POU1F1: variants seen among roughly 807,000 people sequenced by gnomAD.
The protein encoded by POU1F1 is POU class 1 homeobox 1.
Under a neutral mutation model 32.3 loss-of-function variants are expected in POU1F1, and 23 were observed. The observed-to-expected ratio is 0.71, with a 90% CI of 0.51 to 1.01. The LOEUF is 1.01. Ranked by LOEUF, POU1F1 falls within the 50% of genes least tolerant of loss-of-function variation. POU1F1 has a pLI of 0.00. For synonymous variants in POU1F1, 120 were observed against 115.6 expected, an observed-to-expected ratio of 1.04 and a Z score of -0.25; for missense variants, 323 against 341.6, an observed-to-expected ratio of 0.95 and a Z score of 0.43.
chr3:87,261,402 G>T, intron 4 of POU1F1, 69 bp from the exon 5 acceptor site: 1 of 1,215,112 alleles, frequency 8.2e-7, no homozygotes, highest in East Asian at 2.5e-5. Context: ...ATCTGATTTG[G>T]ATTTCAAATT....
At chr3:87,273,257 T>C (rs1706759722) in intron 2 of POU1F1, 90 bp downstream of exon 2, 12 of 1,329,432 alleles carry the variant, frequency 9.0e-6, no homozygotes, top group Non-Finnish European at 1.2e-5. Context: ...TCAAATTTCA[T>C]GTCACACTCT....
intron 2 of POU1F1, among the ~76,000 whole-genome samples, chr3:87,273,118 T>C (rs1435114025): frequency 6.6e-6 from 1 of 151,840 alleles, no homozygotes; most frequent in Non-Finnish European, 1.5e-5. Flanking sequence ...CAAAGCAAAC[T>C]CAAGAAGCAC....
chr3:87,263,294 G>A (rs1356876694), intron 3 of POU1F1, among the ~76,000 whole-genome samples: 3 of 151,882 alleles, frequency 2.0e-5, no homozygotes, highest in African/African-American at 7.2e-5. Flanking sequence ...AATTTTAAAT[G>A]AAAAAACAGT....
At chr3:87,268,515 C>A (rs1392106260) in intron 2 of POU1F1, among the ~76,000 whole-genome samples, 1 of 152,060 alleles carries the variant, frequency 6.6e-6, no homozygotes, top group Non-Finnish European at 1.5e-5. Context: ...AAAGAACAGC[C>A]AAACGAACCT....
chr3:87,276,554 A>C lies in POU1F1; in HGVS notation c.-92T>G. On this transcript the variant is annotated 5_prime_UTR_variant, in exon 1 of 6. Coordinates refer to ENST00000350375, the MANE Select transcript of POU1F1 (RefSeq NM_000306.4). ...GTCTCAAAGGGCCGATTCAATTCTC[A>C]CTACCTGCATATATACATCAGGAAG... 3.5e-6 allele frequency: 5 copies of C among 1,430,568 alleles called. No homozygotes were observed. Among genetic ancestry groups the C allele is most frequent in the Non-Finnish European group, 4.8e-6 (5 of 1,039,436 alleles). 88.6% of individuals were successfully genotyped at this position (1,430,568 alleles called of 1,614,324 possible).
chr3:87,265,320 G>A (rs1022369860), intron 2 of POU1F1, among the ~76,000 whole-genome samples: 9 of 151,942 alleles, frequency 5.9e-5, no homozygotes, highest in Admixed American at 2.6e-4. Context: ...AGTGATTACC[G>A]ATAAATGGTA....
chr3:87,273,026 TA>T (rs1448010403), intron 2 of POU1F1, among the ~76,000 whole-genome samples: 1 of 152,172 alleles, frequency 6.6e-6, no homozygotes, highest in African/African-American at 2.4e-5. Flanking sequence ...GTAGCTACTA[TA>T]TTTTTAGTGA....
chr3:87,273,216 A>T, intron 2 of POU1F1, 131 bp downstream of exon 2: 1 of 1,023,740 alleles, frequency 9.8e-7, no homozygotes, highest in Non-Finnish European at 1.5e-6. Flanking sequence ...AGAAGTGGTG[A>T]TTTTTAACAG....
In POU1F1 at chr3:87,264,150, C is replaced by T. The variant is rs1706567586; in HGVS notation, c.439+138G>A. The T allele has an allele frequency of 4.3e-6, 3 of 699,318 alleles. No individual in the cohort carries two copies. The South Asian group carries it at 5.4e-5, about 13-fold the overall frequency. The allele number at this position is 699,318 out of a possible 1,614,324, so 43.3% of individuals were successfully genotyped here. On this transcript the variant is annotated intron_variant, in intron 3 of 5. Transcript: ENST00000350375. ...GAAACAAATGTTTTTGGAGGATTTC[C>T]ATAACGACTAACTACGTCCACAGTA...
chr3:87,264,478 G>T lies in POU1F1; in HGVS notation c.249C>A (p.Asp83Glu), dbSNP rs932756615. The change falls in exon 3 of 6, where the codon GAC becomes GAA. Residue 83 changes from aspartate (D) to glutamate (E), a missense_variant. Asp to Glu is a conservative substitution (Grantham distance 45, BLOSUM62 2). Coordinates refer to ENST00000350375, the MANE Select transcript of POU1F1 (RefSeq NM_000306.4). Reference protein sequence around the residue: ...SLTPCLYKFPDHTLSHGFPPI... With the variant: ...SLTPCLYKFPEHTLSHGFPPI... ...GAGGAAATCCATGACTCAAGGTGTG[G>T]TCAGGAAATTTATAAAGACAAGGGG... 1.1e-5 allele frequency: 17 copies of T among 1,611,980 alleles called. No individual in the cohort carries two copies. The highest frequency in any genetic ancestry group is 1.2e-5 in the Non-Finnish European group (14 of 1,178,284).
At chr3:87,264,538 G>A in intron 2 of POU1F1, 26 bp from the exon 3 acceptor site, 1 of 1,507,654 alleles carries the variant, frequency 6.6e-7, no homozygotes, top group Admixed American at 1.7e-5. Flanking sequence ...GAAATAAAAT[G>A]AAAAAGACCA....
chr3:87,265,148 G>A (rs190032968), intron 2 of POU1F1, among the ~76,000 whole-genome samples: 40 of 151,982 alleles, frequency 2.6e-4, no homozygotes, highest in Middle Eastern at 3.4e-3. Flanking sequence ...ATAGGCTTGA[G>A]GAGTGATTAA....
rs1465733202 is a variant in POU1F1 at position 87,261,271 on chromosome 3, A to G, written c.665+2T>C. ...TCTAGTAACTTTTAATATAAAGAAT[A>G]CCTTATAGTTGTTCTTCGTTTTCTT... is the stretch of plus-strand genomic sequence containing the variant. On this transcript the variant is annotated splice_donor_variant, in intron 5 of 5. Transcript: ENST00000350375. LOFTEE classifies it high-confidence loss of function. The G allele has an allele frequency of 1.9e-6, 3 of 1,563,386 alleles. No individual in the cohort carries two copies. The highest frequency in any genetic ancestry group is 2.6e-6 in the Non-Finnish European group (3 of 1,142,638).
At chr3:87,268,785 A>G (rs1418628401) in intron 2 of POU1F1, among the ~76,000 whole-genome samples, 1 of 152,150 alleles carries the variant, frequency 6.6e-6, no homozygotes, top group Non-Finnish European at 1.5e-5. Flanking sequence ...TTCCAAATAC[A>G]TTTTCACATT....
rs767428065 is a variant in POU1F1, at chr3:87,276,473, G to C, written c.-11C>G. The C allele has an allele frequency of 8.7e-6, 14 of 1,613,508 alleles. No individual in the cohort carries two copies. The highest frequency in any genetic ancestry group is 1.2e-5 in the Non-Finnish European group (14 of 1,179,686). ...AGCTTGGCAACTCATTCCCACAAGA[G>C]AGTAGAAAAATAAGGAGAACCGCTG... On this transcript the variant is annotated 5_prime_UTR_variant, in exon 1 of 6. Coordinates refer to ENST00000350375, the MANE Select transcript of POU1F1 (RefSeq NM_000306.4).
intron 2 of POU1F1, among the ~76,000 whole-genome samples, chr3:87,271,203 C>T (rs1706715729): frequency 6.6e-6 from 1 of 152,004 alleles, no homozygotes; most frequent in African/African-American, 2.4e-5. Context: ...AGAGGGTTTG[C>T]TGAGTTCATG....
At chr3:87,266,879 G>A (rs777154367) in intron 2 of POU1F1, among the ~76,000 whole-genome samples, 59 of 151,814 alleles carry the variant, frequency 3.9e-4, no homozygotes, top group Non-Finnish European at 7.4e-4. Flanking sequence ...TTTCAGAATT[G>A]ATTCTCACAT....
At chr3:87,263,650 A>G (rs1357599603) in intron 3 of POU1F1, among the ~76,000 whole-genome samples, 1 of 152,058 alleles carries the variant, frequency 6.6e-6, no homozygotes, top group African/African-American at 2.4e-5. Context: ...TATGAGTGCA[A>G]AATAACATTT....
At chr3:87,269,071 T>C (rs1706678520) in intron 2 of POU1F1, among the ~76,000 whole-genome samples, 1 of 152,204 alleles carries the variant, frequency 6.6e-6, no homozygotes, top group African/African-American at 2.4e-5. Context: ...CACCCTGCTG[T>C]GCTTGTAACA....
Sources: gnomAD v4.1 joint callset for allele counts (sites outside exome capture counted in the v4.1 genomes callset) on GRCh38, gnomAD v4.1.1 for gene constraint, MANE v1.5 for transcripts, NCBI Gene and HGNC (gene_info 2026-07-23, HGNC 2026-07-21) for gene names.